Variants in RBFOX1 observed in about 807,000 individuals in gnomAD.
The protein encoded by RBFOX1 is RNA binding protein fox-1 homolog 1.
In RBFOX1, 8 loss-of-function variants were observed where a neutral mutation model predicts 57.7. The observed-to-expected ratio is 0.14, with a 90% CI of 0.08 to 0.25. The LOEUF (loss-of-function observed/expected upper bound fraction) is 0.25, where lower values mean the gene tolerates loss of function less well. RBFOX1 is among the 10% of genes least tolerant of loss of function. The pLI is 1.00. For synonymous variants in RBFOX1, 326 were observed against 222.4 expected (o/e 1.47, Z -4.15); for missense variants, 611 against 548.5 (o/e 1.11, Z -1.14).
intron 4 of RBFOX1, among the ~76,000 whole-genome samples, chr16:7,182,373 T>G (rs1049269217): frequency 2.0e-5 from 3 of 152,194 alleles, no homozygotes; most frequent in Admixed American, 1.3e-4. Flanking sequence ...AAGCCCCCTC[T>G]CTTCATGAAA....
At chr16:6,521,262 G>A (rs946280046) in intron 2 of RBFOX1, among the ~76,000 whole-genome samples, 1 of 152,100 alleles carries the variant, frequency 6.6e-6, no homozygotes, top group African/African-American at 2.4e-5. Flanking sequence ...ATTGGTCAAG[G>A]AAAAGGTGCA....
chr16:5,955,216 G>A (rs2152281179), intron 4 of RBFOX1, among the ~76,000 whole-genome samples: 1 of 144,978 alleles, frequency 6.9e-6, no homozygotes, highest in South Asian at 2.2e-4. Flanking sequence ...AGGAAGCTGA[G>A]GCTGTAGTGA....
chr16:6,121,425 G>T (rs1266794878), intron 1 of RBFOX1, among the ~76,000 whole-genome samples: 2 of 152,190 alleles, frequency 1.3e-5, no homozygotes, highest in East Asian at 3.9e-4. Flanking sequence ...AAGTGATGAT[G>T]CTTGAAATCC....
intron 3 of RBFOX1, among the ~76,000 whole-genome samples, chr16:6,715,509 C>T (rs542509360): frequency 6.6e-6 from 1 of 152,138 alleles, no homozygotes; most frequent in South Asian, 2.1e-4. Context: ...GCTTTGTGTC[C>T]CAACCAATTT....
intron 3 of RBFOX1, among the ~76,000 whole-genome samples, chr16:7,002,663 G>C (rs969786638): frequency 6.6e-6 from 1 of 152,218 alleles, no homozygotes. Context: ...AGGGAGCCGA[G>C]ATTGCGCCAC....
At chr16:7,382,787 C>T (rs529188300) in intron 4 of RBFOX1, among the ~76,000 whole-genome samples, 1 of 152,360 alleles carries the variant, frequency 6.6e-6, no homozygotes, top group Non-Finnish European at 1.5e-5. Context: ...CCAAGTGCTT[C>T]ATGGAGAAGC....
intron 1 of RBFOX1, among the ~76,000 whole-genome samples, chr16:5,288,073 G>T (rs544375736): frequency 2.2e-4 from 33 of 152,270 alleles, no homozygotes; most frequent in South Asian, 2.1e-3. Context: ...AATTGTGTAC[G>T]GCCGACTCCA....
chr16:6,405,999 A>T (rs1157086745), intron 2 of RBFOX1, among the ~76,000 whole-genome samples: 1 of 152,236 alleles, frequency 6.6e-6, no homozygotes, highest in Non-Finnish European at 1.5e-5. Context: ...GGAAGGTGAG[A>T]ACGCAGAGGA....
intron 4 of RBFOX1, among the ~76,000 whole-genome samples, chr16:7,379,280 G>A (rs957022502): frequency 6.6e-6 from 1 of 152,120 alleles, no homozygotes; most frequent in Non-Finnish European, 1.5e-5. Flanking sequence ...ACTGTGCCCT[G>A]CCTCTTTCTG....
chr16:5,513,158 G>A (rs1248040576), intron 2 of RBFOX1, among the ~76,000 whole-genome samples: 1 of 152,092 alleles, frequency 6.6e-6, no homozygotes, highest in Non-Finnish European at 1.5e-5. Flanking sequence ...CAAGTGATCT[G>A]GACTCAGCTT....
chr16:7,080,340 A>G (rs2058997007), intron 4 of RBFOX1, among the ~76,000 whole-genome samples: 1 of 152,080 alleles, frequency 6.6e-6, no homozygotes, highest in South Asian at 2.1e-4. Flanking sequence ...TGCCTTGCCT[A>G]TCATTCTGTA....
In RBFOX1 at chr16:7,668,177, G is replaced by A. The variant is rs531665534; in HGVS notation, c.930+3209G>A. 2.8e-4 allele frequency among the ~76,000 whole-genome samples: 43 copies of A among 152,094 alleles called. 1 individual carries two copies. The highest frequency in any genetic ancestry group is 8.0e-4 in the African/African-American group (33 of 41,498). On this transcript the variant is annotated intron_variant, in intron 13 of 15. Coordinates refer to ENST00000550418, the MANE Select transcript of RBFOX1 (RefSeq NM_018723.4). Reference sequence around the variant, plus strand: ...GGTGCCCTGCTCTCTCCCCTCCCCCGTCCTTTGTTCTTCAAGGTCTTTCCA... The same window carrying A: ...GGTGCCCTGCTCTCTCCCCTCCCCCATCCTTTGTTCTTCAAGGTCTTTCCA...
At position 7,478,501 on chromosome 16, in the gene RBFOX1, G is replaced by C. The variant is rs147883462; in HGVS notation, c.28-39646G>C. ...TAGGGGCTGCAGTTTGCAGAGGCTA[G>C]AGAGGGGGAGTCCCTGGTACCATGT... On this transcript the variant is annotated intron_variant, in intron 4 of 15. Coordinates refer to ENST00000550418, the MANE Select transcript of RBFOX1 (RefSeq NM_018723.4). Among the ~76,000 whole-genome samples the C allele has an allele frequency of 5.8e-4, 88 of 152,338 alleles. 2 individuals are homozygous for C. In the East Asian group the frequency reaches 0.016, roughly 27 times the overall value.
At chr16:6,795,699 G>A (rs1288757064) in intron 3 of RBFOX1, among the ~76,000 whole-genome samples, 1 of 151,698 alleles carries the variant, frequency 6.6e-6, no homozygotes, top group South Asian at 2.1e-4. Flanking sequence ...CCAGAAGGCA[G>A]AGGTTGCAGT....
chr16:5,483,553 A>T (rs550701427), intron 2 of RBFOX1, among the ~76,000 whole-genome samples: 2 of 152,290 alleles, frequency 1.3e-5, no homozygotes, highest in South Asian at 4.1e-4. Context: ...TATCCCAGCC[A>T]CCGTAGCTGT....
At chr16:5,462,013 C>CTA (rs950325270) in intron 1 of RBFOX1, among the ~76,000 whole-genome samples, 2 of 152,150 alleles carry the variant, frequency 1.3e-5, no homozygotes, top group Non-Finnish European at 2.9e-5. Context: ...GCACCAATTT[C>CTA]CACTCCCACC....
At chr16:6,780,744 G>A (rs962784700) in intron 3 of RBFOX1, among the ~76,000 whole-genome samples, 6 of 151,268 alleles carry the variant, frequency 4.0e-5, no homozygotes, top group African/African-American at 1.2e-4. Context: ...CTAATGATTA[G>A]TGACGTTGAG....
intron 4 of RBFOX1, among the ~76,000 whole-genome samples, chr16:5,879,310 A>C (rs2057701779): frequency 6.6e-6 from 1 of 152,224 alleles, no homozygotes. Flanking sequence ...GAAACTCCTC[A>C]GATCGTATTT....
chr16:7,251,630 G>T (rs1340472145), intron 4 of RBFOX1, among the ~76,000 whole-genome samples: 1 of 152,014 alleles, frequency 6.6e-6, no homozygotes, highest in Non-Finnish European at 1.5e-5. Context: ...ATGTTGGCTT[G>T]CCTGGTCTTG....
Sources: gnomAD v4.1 joint callset for allele counts (sites outside exome capture counted in the v4.1 genomes callset) on GRCh38, gnomAD v4.1.1 for gene constraint, MANE v1.5 for transcripts, NCBI Gene and HGNC (gene_info 2026-07-23, HGNC 2026-07-21) for gene names.